The following PARD3B variants were observed in gnomAD, a reference collection of about 807,000 sequenced individuals.
PARD3B encodes the protein par-3 family cell polarity regulator beta.
PARD3B carries 103 observed loss-of-function variants against 130.2 expected under a neutral mutation model. That is an observed-to-expected ratio of 0.79 (90% confidence interval 0.67 to 0.93). The LOEUF (loss-of-function observed/expected upper bound fraction) is 0.93, where lower values mean the gene tolerates loss of function less well. PARD3B is among the 40% of genes least tolerant of loss of function. The pLI is 0.00. For synonymous variants in PARD3B, 583 were observed against 553.2 expected, an observed-to-expected ratio of 1.05 and a Z score of -0.76; for missense variants, 1,609 against 1,499.2, an observed-to-expected ratio of 1.07 and a Z score of -1.21.
intron 18 of PARD3B, among the ~76,000 whole-genome samples, chr2:205,355,269 T>A (rs1023991601): frequency 6.6e-6 from 1 of 152,210 alleles, no homozygotes; most frequent in African/African-American, 2.4e-5. Context: ...CTTTGCCAAA[T>A]TTTTTCTAAT....
At chr2:204,831,252 G>A (rs778990464) in intron 2 of PARD3B, among the ~76,000 whole-genome samples, 1 of 152,150 alleles carries the variant, frequency 6.6e-6, no homozygotes, top group African/African-American at 2.4e-5. Flanking sequence ...TCTTTTAGCT[G>A]CATTGCTGAG....
At chr2:205,231,823 C>T (rs751439316) in intron 15 of PARD3B, among the ~76,000 whole-genome samples, 1 of 152,112 alleles carries the variant, frequency 6.6e-6, no homozygotes, top group African/African-American at 2.4e-5. Flanking sequence ...GTGAACTCCA[C>T]GTATAGTTGG....
chr2:204,686,464 G>A (rs2037091627), intron 2 of PARD3B, among the ~76,000 whole-genome samples, 182 bp downstream of exon 2: 2 of 152,164 alleles, frequency 1.3e-5, no homozygotes, highest in Non-Finnish European at 2.9e-5. Flanking sequence ...ACTGTGTTAA[G>A]GTTTGGGAAT....
chr2:204,821,420 A>G (rs2043348562), intron 2 of PARD3B, among the ~76,000 whole-genome samples: 1 of 152,034 alleles, frequency 6.6e-6, no homozygotes, highest in Non-Finnish European at 1.5e-5. Flanking sequence ...TGAAATTGGA[A>G]ATCATCATTC....
At chr2:204,649,045 ATATAAATAATATATATTTATAATATAT>A (rs2035389131) in intron 1 of PARD3B, among the ~76,000 whole-genome samples, 1 of 123,584 alleles carries the variant, frequency 8.1e-6, no homozygotes, top group African/African-American at 3.1e-5. Flanking sequence ...AATATATATC[ATATAAATAATATATATTTATAATATAT>A]ATCATATAAA....
rs191750894 is a variant in PARD3B, at chr2:204,625,178, T to G, written c.121-61003T>G. On this transcript the variant is annotated intron_variant, in intron 1 of 22. Coordinates refer to ENST00000406610, the MANE Select transcript of PARD3B (RefSeq NM_001302769.2). ...TCTGTAGCTTGTCTTTTCATCCTCA[T>G]TTTTATTTATTTAAGGTAGAGATGA... 1.8e-3 allele frequency among the ~76,000 whole-genome samples: 267 copies of G among 152,328 alleles called. 1 individual carries two copies. The highest frequency in any genetic ancestry group is 5.9e-3 in the African/African-American group (245 of 41,586).
rs560511853 is a variant in PARD3B at position 204,990,066 on chromosome 2, T to C, written c.394+24743T>C. ...AAATGTAAAATAGAATTCCAGTTTT[T>C]ACATGGTCAGCAAAACAATATAGCT... On this transcript the variant is annotated intron_variant, in intron 3 of 22. Coordinates refer to ENST00000406610, the MANE Select transcript of PARD3B (RefSeq NM_001302769.2). Among the ~76,000 whole-genome samples, 18 of 152,250 alleles carry C rather than the reference T, an allele frequency of 1.2e-4. No individual in the cohort carries two copies. In the South Asian group the frequency reaches 3.5e-3, roughly 30 times the overall value.
intron 11 of PARD3B, among the ~76,000 whole-genome samples, chr2:205,170,544 C>T (rs1576051098): frequency 6.6e-6 from 1 of 152,190 alleles, no homozygotes; most frequent in African/African-American, 2.4e-5. Context: ...TGCAATCCCA[C>T]GTGGCTAACA....
In PARD3B at chr2:205,616,325, A is replaced by G. The variant is rs1184440736; in HGVS notation, c.*512A>G. The G allele has an allele frequency of 6.5e-6, 1 of 153,278 alleles. No homozygotes were observed. The highest frequency in any genetic ancestry group is 1.9e-4 in the East Asian group (1 of 5,198). The allele number at this position is 153,278 out of a possible 1,614,324, so 9.5% of individuals were successfully genotyped here. On this transcript the variant is annotated 3_prime_UTR_variant, in exon 23 of 23. Coordinates refer to ENST00000406610, the MANE Select transcript of PARD3B (RefSeq NM_001302769.2). ...GACAGAGATAGAGGCATCTGAAGTG[A>G]GTATAGGTTTTTTGACTAAGAAAAA...
At chr2:205,547,563 C>T (rs1405430044) in intron 21 of PARD3B, among the ~76,000 whole-genome samples, 1 of 152,110 alleles carries the variant, frequency 6.6e-6, no homozygotes, top group Non-Finnish European at 1.5e-5. Context: ...GGAGCTGTTG[C>T]TATTTCTATG....
intron 16 of PARD3B, among the ~76,000 whole-genome samples, chr2:205,272,691 T>C (rs533686437): frequency 6.6e-6 from 1 of 152,308 alleles, no homozygotes; most frequent in Non-Finnish European, 1.5e-5. Context: ...GTTTGTGGGA[T>C]GGCTGCTGCC....
intron 12 of PARD3B, among the ~76,000 whole-genome samples, chr2:205,173,293 A>G (rs1385913241): frequency 4.6e-5 from 7 of 152,232 alleles, no homozygotes; most frequent in Non-Finnish European, 8.8e-5. Flanking sequence ...AAGTTAATCA[A>G]GAGTTAATGG....
At chr2:205,586,826 G>A (rs2054213254) in intron 22 of PARD3B, among the ~76,000 whole-genome samples, 1 of 152,038 alleles carries the variant, frequency 6.6e-6, no homozygotes, top group Non-Finnish European at 1.5e-5. Flanking sequence ...AAAGGCCATT[G>A]CAAAATTTCA....
chr2:205,614,106 G>A (rs181120191), intron 22 of PARD3B, among the ~76,000 whole-genome samples: 2 of 152,310 alleles, frequency 1.3e-5, no homozygotes, highest in East Asian at 1.9e-4. Context: ...AGGTTTATGA[G>A]ATTTTAAGAG....
chr2:204,781,217 C>G (rs943277194), intron 2 of PARD3B, among the ~76,000 whole-genome samples: 6 of 152,076 alleles, frequency 3.9e-5, no homozygotes, highest in African/African-American at 1.4e-4. Flanking sequence ...AATATAGTGA[C>G]AAAAATTTTA....
intron 3 of PARD3B, among the ~76,000 whole-genome samples, chr2:205,004,320 A>C (rs1449122851): frequency 6.6e-6 from 1 of 152,186 alleles, no homozygotes; most frequent in Non-Finnish European, 1.5e-5. Flanking sequence ...CTTCCGCAAG[A>C]ATTTTTCTCC....
intron 21 of PARD3B, among the ~76,000 whole-genome samples, chr2:205,522,787 A>AACCATCATATT (rs2051137022): frequency 6.6e-6 from 1 of 152,228 alleles, no homozygotes; most frequent in African/African-American, 2.4e-5. Context: ...AAAAAGAGGA[A>AACCATCATATT]ACCATCATAT....
intron 2 of PARD3B, among the ~76,000 whole-genome samples, chr2:204,811,180 G>C (rs572986422): frequency 6.6e-6 from 1 of 151,910 alleles, no homozygotes; most frequent in Non-Finnish European, 1.5e-5. Context: ...TCCTGATAGT[G>C]TTTATTTGTG....
chr2:205,340,401 T>TA (rs1349729895), intron 18 of PARD3B, among the ~76,000 whole-genome samples: 1 of 151,996 alleles, frequency 6.6e-6, no homozygotes, highest in African/African-American at 2.4e-5. Flanking sequence ...TATAAAAACA[T>TA]ACACATAGAC....
Sources: gnomAD v4.1 joint callset for allele counts (sites outside exome capture counted in the v4.1 genomes callset) on GRCh38, gnomAD v4.1.1 for gene constraint, MANE v1.5 for transcripts, NCBI Gene and HGNC (gene_info 2026-07-23, HGNC 2026-07-21) for gene names.